The following HDAC9 variants were observed in gnomAD, a reference collection of about 807,000 sequenced individuals.
HDAC9 encodes the protein MEF-2 interacting transcription repressor (MITR) protein.
A neutral mutation model predicts 139.4 loss-of-function variants in HDAC9; 41 were observed. The observed-to-expected ratio is 0.29, with a 90% CI of 0.23 to 0.38. The LOEUF (loss-of-function observed/expected upper bound fraction) is 0.38, where lower values mean the gene tolerates loss of function less well. HDAC9 is among the 10% of genes least tolerant of loss of function. The probability of loss-of-function intolerance (pLI) is 1.00; values close to 1 mark genes in which losing one functional copy is unlikely to be tolerated. For missense variants in HDAC9, 1,147 were observed against 1,297.0 expected (o/e 0.88, Z 1.78); for synonymous variants, 517 against 476.2 (o/e 1.09, Z -1.12).
chr7:18,468,193 C>G (rs1165306791), intron 1 of HDAC9, among the ~76,000 whole-genome samples: 2 of 152,156 alleles, frequency 1.3e-5, no homozygotes, highest in Non-Finnish European at 2.9e-5. Context: ...AGAAGCAAGT[C>G]ACTAAGCACA....
chr7:18,632,502 A>G (rs1324440037), intron 7 of HDAC9, among the ~76,000 whole-genome samples: 2 of 152,020 alleles, frequency 1.3e-5, no homozygotes, highest in African/African-American at 4.8e-5. Context: ...CCAGGCTTGG[A>G]CCTTATAGGT....
chr7:18,177,920 A>C (rs1387733824), intron 2 of HDAC9, among the ~76,000 whole-genome samples: 1 of 152,112 alleles, frequency 6.6e-6, no homozygotes, highest in Non-Finnish European at 1.5e-5. Flanking sequence ...AGTTGAATAT[A>C]CCTGAGCAAA....
rs544385542 is a variant in HDAC9 at position 18,576,709 on chromosome 7, A to T, written c.23-8572A>T. Among the ~76,000 whole-genome samples, 4 of 152,246 alleles carry T rather than the reference A, an allele frequency of 2.6e-5. No homozygotes were observed. The South Asian group carries it at 8.3e-4, about 32-fold the overall frequency. ...GAAAGATAATTTCTATCAATTAGAT[A>T]ATAAAAGAGAGAGGAGTCACTATCA... On this transcript the variant is annotated intron_variant, in intron 2 of 25. Transcript: ENST00000686413.
rs548571323 is a variant in HDAC9, at chr7:18,753,625, C to T, written c.2043+4487C>T. Reference sequence around the variant, plus strand: ...CACTTTGAAAATGCTAAAAGGATTCCTTCATTTCCAAACAGTAGACTGATC... The same window carrying T: ...CACTTTGAAAATGCTAAAAGGATTCTTTCATTTCCAAACAGTAGACTGATC... On this transcript the variant is annotated intron_variant, in intron 14 of 25. Coordinates refer to ENST00000686413, the MANE Select transcript of HDAC9 (RefSeq NM_178425.4). Among the ~76,000 whole-genome samples, 6 of 152,120 alleles carry T rather than the reference C, an allele frequency of 3.9e-5. No homozygotes were observed. The South Asian group carries it at 1.2e-3, about 32-fold the overall frequency.
intron 16 of HDAC9, among the ~76,000 whole-genome samples, chr7:18,792,784 C>T (rs1020065669): frequency 1.9e-4 from 29 of 152,320 alleles, no homozygotes; most frequent in African/African-American, 6.7e-4. Context: ...GAGGACCACA[C>T]ACTCCTTCCA....
intron 1 of HDAC9, among the ~76,000 whole-genome samples, chr7:18,421,685 C>G (rs1789632535): frequency 6.6e-6 from 1 of 152,152 alleles, no homozygotes; most frequent in Non-Finnish European, 1.5e-5. Context: ...CTCTTGGTAG[C>G]TCAGTGTCAC....
At chr7:18,794,553 A>G (rs17139975) in intron 17 of HDAC9, among the ~76,000 whole-genome samples, 2,198 of 152,334 alleles carry the variant, frequency 0.014, 51 homozygotes, top group African/African-American at 0.05. Flanking sequence ...TATATTTGAC[A>G]TAAGTAGTAT....
At chr7:18,591,069 G>GT (rs1431334706) in intron 4 of HDAC9, among the ~76,000 whole-genome samples, 21 of 152,182 alleles carry the variant, frequency 1.4e-4, no homozygotes, top group East Asian at 1.2e-3. Flanking sequence ...TGCTCAAAGG[G>GT]TTTTTTTAAA....
At chr7:18,663,760 T>C (rs913804173) in intron 11 of HDAC9, among the ~76,000 whole-genome samples, 1 of 152,068 alleles carries the variant, frequency 6.6e-6, no homozygotes, top group African/African-American at 2.4e-5. Flanking sequence ...CCAGTCTTCT[T>C]ACATTTGGTT....
chr7:18,878,201 A>G (rs1799465523), intron 22 of HDAC9, among the ~76,000 whole-genome samples: 1 of 152,156 alleles, frequency 6.6e-6, no homozygotes, highest in Non-Finnish European at 1.5e-5. Flanking sequence ...TTTTTTAAAA[A>G]AAAGCTTCTT....
intron 1 of HDAC9, among the ~76,000 whole-genome samples, chr7:18,488,726 A>G (rs904507622): frequency 6.6e-6 from 1 of 151,946 alleles, no homozygotes; most frequent in Non-Finnish European, 1.5e-5. Flanking sequence ...ACATTTTTAT[A>G]TTTTCTTAGT....
At chr7:18,649,818 G>T (rs990403071) in intron 11 of HDAC9, among the ~76,000 whole-genome samples, 1 of 152,076 alleles carries the variant, frequency 6.6e-6, no homozygotes, top group Non-Finnish European at 1.5e-5. Context: ...CTTCCGAACA[G>T]AAAGTTTTCC....
intron 12 of HDAC9, chr7:18,667,868 G>A: frequency 1.0e-6 from 1 of 981,988 alleles, no homozygotes; most frequent in South Asian, 4.7e-5. Context: ...TGTTTTATAG[G>A]TTTACTTTTG....
chr7:18,866,228 A>C lies in HDAC9; in HGVS notation c.2685-8250A>C, dbSNP rs1432368345. Reference sequence around the variant, plus strand: ...TGGAAGACCCTTCCACTGCAGGGCTATGTCCACCTCAGAACGGCCTTCTCT... The same window carrying C: ...TGGAAGACCCTTCCACTGCAGGGCTCTGTCCACCTCAGAACGGCCTTCTCT... On this transcript the variant is annotated intron_variant, in intron 21 of 25. Transcript: ENST00000686413. Among the ~76,000 whole-genome samples the C allele has an allele frequency of 4.0e-5, 6 of 151,712 alleles. No homozygotes were observed. In the East Asian group the frequency reaches 1.2e-3, roughly 29 times the overall value.
intron 16 of HDAC9, among the ~76,000 whole-genome samples, chr7:18,767,970 G>A (rs1047798813): frequency 2.6e-5 from 4 of 152,152 alleles, no homozygotes; most frequent in Non-Finnish European, 5.9e-5. Context: ...TGTTTTGTGA[G>A]AACTAAATTT....
chr7:18,441,580 G>A (rs1229395714), intron 1 of HDAC9, among the ~76,000 whole-genome samples: 1 of 152,174 alleles, frequency 6.6e-6, no homozygotes, highest in East Asian at 1.9e-4. Context: ...AATATAGATT[G>A]CAAATTGTGT....
intron 24 of HDAC9, among the ~76,000 whole-genome samples, chr7:18,972,357 C>T (rs905498282): frequency 5.8e-5 from 8 of 137,448 alleles, no homozygotes; most frequent in Non-Finnish European, 6.2e-5. Flanking sequence ...GCTCAATTTT[C>T]GATGAACTTC....
intron 1 of HDAC9, among the ~76,000 whole-genome samples, chr7:18,121,330 C>G (rs188376310): frequency 1.3e-5 from 2 of 151,980 alleles, no homozygotes; most frequent in East Asian, 3.9e-4. Flanking sequence ...TATACTTGCC[C>G]GTAGAGTTTT....
chr7:18,256,628 T>C (rs1342484727), intron 2 of HDAC9, among the ~76,000 whole-genome samples: 1 of 152,226 alleles, frequency 6.6e-6, no homozygotes, highest in Non-Finnish European at 1.5e-5. Flanking sequence ...AGTAATTGTG[T>C]TAATAAAAAT....
Sources: gnomAD v4.1 joint callset for allele counts (sites outside exome capture counted in the v4.1 genomes callset) on GRCh38, gnomAD v4.1.1 for gene constraint, MANE v1.5 for transcripts, NCBI Gene and HGNC (gene_info 2026-07-23, HGNC 2026-07-21) for gene names.